The following EML6 variants were observed in gnomAD, a reference collection of about 807,000 sequenced individuals.
The protein encoded by EML6 is EMAP like 6.
Under a neutral mutation model 240.1 loss-of-function variants are expected in EML6, and 154 were observed. That is an observed-to-expected ratio of 0.64 (90% confidence interval 0.56 to 0.73). The LOEUF (loss-of-function observed/expected upper bound fraction) is 0.73, where lower values mean the gene tolerates loss of function less well. EML6 is among the 30% of genes least tolerant of loss of function. EML6 has a pLI of 0.00. For missense variants in EML6, 2,964 were observed against 2,474.6 expected (o/e 1.20, Z -4.20); for synonymous variants, 1,148 against 899.0 (o/e 1.28, Z -4.95).
At chr2:54,797,835 G>T (rs1335032359) in intron 2 of EML6, among the ~76,000 whole-genome samples, 1 of 152,138 alleles carries the variant, frequency 6.6e-6, no homozygotes, top group Non-Finnish European at 1.5e-5. Flanking sequence ...CTGGGCTTCA[G>T]TGTCATTGAT....
At chr2:54,936,114 T>C (rs764987069) in intron 28 of EML6, among the ~76,000 whole-genome samples, 1 of 152,210 alleles carries the variant, frequency 6.6e-6, no homozygotes, top group Non-Finnish European at 1.5e-5. Context: ...AGCCAGAAAT[T>C]AGAAACTTAT....
At chr2:54,763,278 C>G (rs977904250) in intron 2 of EML6, among the ~76,000 whole-genome samples, 2 of 152,140 alleles carry the variant, frequency 1.3e-5, no homozygotes, top group Non-Finnish European at 2.9e-5. Context: ...TCAGAAGTTA[C>G]TTGGATTAGT....
At chr2:54,957,581 C>T (rs1203036820) in intron 32 of EML6, among the ~76,000 whole-genome samples, 3 of 152,212 alleles carry the variant, frequency 2.0e-5, no homozygotes, top group African/African-American at 7.2e-5. Context: ...GTTGGGGGAT[C>T]TGTTACCAGC....
chr2:54,882,372 A>G (rs993724961), intron 17 of EML6: 15 of 151,090 alleles, frequency 9.9e-5, no homozygotes, highest in African/African-American at 3.7e-4. Context: ...AAGTAGTTAC[A>G]GGGTGTAACA....
intron 7 of EML6, 57 bp from the exon 8 acceptor site, chr2:54,843,989 TG>T: frequency 1.9e-6 from 2 of 1,070,784 alleles, no homozygotes; most frequent in Non-Finnish European, 2.8e-6. Flanking sequence ...TGTGTGTGTG[TG>T]TGTGTGTGTG....
intron 14 of EML6, 37 bp downstream of exon 14, chr2:54,866,921 C>A: frequency 8.0e-7 from 1 of 1,248,284 alleles, no homozygotes; most frequent in South Asian, 1.3e-5. Context: ...ATGTGTTCCT[C>A]TGTCTCTGCC....
intron 10 of EML6, among the ~76,000 whole-genome samples, chr2:54,852,244 C>T (rs1352173789): frequency 2.0e-5 from 3 of 152,166 alleles, no homozygotes; most frequent in African/African-American, 4.8e-5. Flanking sequence ...ATCTGACTTA[C>T]ATAATACTCA....
chr2:54,773,937 G>A (rs977317960), intron 2 of EML6, among the ~76,000 whole-genome samples: 1 of 152,178 alleles, frequency 6.6e-6, no homozygotes, highest in Non-Finnish European at 1.5e-5. Flanking sequence ...TTTGATGACT[G>A]GCACAGGGCC....
At chr2:54,748,914 C>G (rs1165040383) in intron 2 of EML6, among the ~76,000 whole-genome samples, 2 of 152,230 alleles carry the variant, frequency 1.3e-5, no homozygotes, top group African/African-American at 2.4e-5. Context: ...TATGTCTAAG[C>G]CTTCATATCG....
chr2:54,743,633 G>A (rs1242509043), intron 2 of EML6, among the ~76,000 whole-genome samples: 1 of 152,018 alleles, frequency 6.6e-6, no homozygotes, highest in East Asian at 1.9e-4. Flanking sequence ...TAAATAAGAA[G>A]CCCATAGTGA....
In EML6 at chr2:54,872,848, C is replaced by A. The variant is rs184784267; in HGVS notation, c.2344+1243C>A. Among the ~76,000 whole-genome samples the A allele has an allele frequency of 3.9e-5, 6 of 152,302 alleles. No homozygotes were observed. The East Asian group carries it at 1.2e-3, about 29-fold the overall frequency. ...CTTCCAACTTTACAGGGAGAAATAA[C>A]CTGTCCTTTTTTGTGCATCCCTTAG... is the stretch of plus-strand genomic sequence containing the variant. On this transcript the variant is annotated intron_variant, in intron 16 of 41. Coordinates refer to ENST00000356458, the MANE Select transcript of EML6 (RefSeq NM_001039753.4).
intron 2 of EML6, among the ~76,000 whole-genome samples, chr2:54,732,909 A>G (rs1647035022): frequency 6.6e-6 from 1 of 152,274 alleles, no homozygotes; most frequent in Admixed American, 6.5e-5. Flanking sequence ...TTTTATAAGC[A>G]TCAGCCTTGC....
chr2:54,872,523 T>A (rs1671308664), intron 16 of EML6, among the ~76,000 whole-genome samples: 1 of 152,162 alleles, frequency 6.6e-6, no homozygotes, highest in Non-Finnish European at 1.5e-5. Flanking sequence ...TCTTCCTCAG[T>A]CCATCCCACC....
chr2:54,917,373 T>TTTTTTTTTTTTTTTG (rs1558684013), intron 26 of EML6, among the ~76,000 whole-genome samples: 1 of 145,122 alleles, frequency 6.9e-6, no homozygotes, highest in Non-Finnish European at 1.5e-5. Context: ...TTTTTTTTTT[T>TTTTTTTTTTTTTTTG]TTGTTTTTTG....
At position 54,916,948 on chromosome 2, in the gene EML6, G is replaced by A. The variant is rs1465217842; in HGVS notation, c.3675+13G>A. 2 of 1,516,574 alleles carry A rather than the reference G, an allele frequency of 1.3e-6. No homozygotes were observed. The highest frequency in any genetic ancestry group is 1.2e-5 in the South Asian group (1 of 82,536). The allele number at this position is 1,516,574 out of a possible 1,614,324, so 93.9% of individuals were successfully genotyped here. A position where few individuals can be genotyped will look rare whatever the true frequency, so the allele number is the denominator to read the frequency against. The stretch of plus-strand genomic sequence containing the variant: ...ATATCCTGTCAAGGTAATATTGCGT[G>A]TTTATTATCTTTACTTGCTCAGTCT... On this transcript the variant is annotated intron_variant, in intron 26 of 41. Coordinates refer to ENST00000356458, the MANE Select transcript of EML6 (RefSeq NM_001039753.4).
At chr2:54,953,254 T>C (rs1377835950) in intron 31 of EML6, among the ~76,000 whole-genome samples, 2 of 152,222 alleles carry the variant, frequency 1.3e-5, no homozygotes, top group Middle Eastern at 3.2e-3. Context: ...AGCTATTGTT[T>C]TCCCTTGACG....
At chr2:54,923,574 AC>A (rs1674380656) in intron 26 of EML6, among the ~76,000 whole-genome samples, 1 of 152,128 alleles carries the variant, frequency 6.6e-6, no homozygotes, top group South Asian at 2.1e-4. Flanking sequence ...CAAGATACTT[AC>A]CCCTAAATGT....
At chr2:54,798,972 T>G (rs1264927867) in intron 2 of EML6, among the ~76,000 whole-genome samples, 1 of 152,232 alleles carries the variant, frequency 6.6e-6, no homozygotes, top group African/African-American at 2.4e-5. Context: ...CTGACAGCAT[T>G]TATCATGAAT....
intron 28 of EML6, among the ~76,000 whole-genome samples, chr2:54,948,666 C>T (rs188944544): frequency 1.1e-4 from 16 of 152,254 alleles, no homozygotes; most frequent in African/African-American, 3.4e-4. Context: ...GTGCCTCAAG[C>T]GTGGGGAGGC....
Sources: allele counts gnomAD v4.1 joint callset (sites outside exome capture counted in the v4.1 genomes callset), GRCh38; gene constraint gnomAD v4.1.1; transcripts MANE v1.5; gene names NCBI Gene and HGNC (gene_info 2026-07-23, HGNC 2026-07-21).